Variants in SYTL3 observed in about 807,000 individuals in gnomAD.
The protein encoded by SYTL3 is synaptotagmin-like protein 3.
In SYTL3, 88 loss-of-function variants were observed where a neutral mutation model predicts 82.1. The ratio of observed to expected loss-of-function variants is 1.07; its 90% CI spans 0.90 to 1.28. The LOEUF (loss-of-function observed/expected upper bound fraction) is 1.28, where lower values mean the gene tolerates loss of function less well. Ranked by LOEUF, SYTL3 falls within the 50% of genes most tolerant of loss-of-function variation. The pLI, the probability that SYTL3 is intolerant of heterozygous loss-of-function variation, is 0.00. For synonymous variants in SYTL3, 311 were observed against 289.4 expected (o/e 1.07, Z -0.76); for missense variants, 831 against 757.6 (o/e 1.10, Z -1.14).
chr6:158,645,265 T>TA (rs374822966), upstream of SYTL3, among the ~76,000 whole-genome samples: 11 of 150,700 alleles, frequency 7.3e-5, no homozygotes, highest in East Asian at 1.9e-4. Flanking sequence ...TAAGCACCAT[T>TA]AAAAAAAAAC....
chr6:158,682,036 A>G (rs1442293280), intron 5 of SYTL3, among the ~76,000 whole-genome samples: 2 of 152,252 alleles, frequency 1.3e-5, no homozygotes, highest in Non-Finnish European at 1.5e-5. Flanking sequence ...TCCCAGGTTC[A>G]AGCGAAAATT....
At chr6:158,748,257 T>G (rs1787923201) in intron 12 of SYTL3, among the ~76,000 whole-genome samples, 1 of 152,158 alleles carries the variant, frequency 6.6e-6, no homozygotes, top group Non-Finnish European at 1.5e-5. Flanking sequence ...ATTGTTGATT[T>G]AATCAAACTC....
intron 6 of SYTL3, among the ~76,000 whole-genome samples, chr6:158,691,457 C>T (rs1389498290): frequency 6.6e-6 from 1 of 152,030 alleles, no homozygotes; most frequent in African/African-American, 2.4e-5. Flanking sequence ...TTTTAGATCA[C>T]TAATAACTAG....
intron 10 of SYTL3, 114 bp downstream of exon 10, chr6:158,718,325 T>A: frequency 8.3e-7 from 1 of 1,208,994 alleles, no homozygotes; most frequent in South Asian, 2.4e-5. Context: ...AGAAAAACAG[T>A]AAGCCATCAG....
At chr6:158,692,245 G>A (rs781532158) in intron 6 of SYTL3, among the ~76,000 whole-genome samples, 29 of 90,914 alleles carry the variant, frequency 3.2e-4, no homozygotes, top group Middle Eastern at 0.014. Flanking sequence ...GCGACAGAGC[G>A]AGACTCCGTC....
At chr6:158,658,104 G>T (rs1276867438) in intron 2 of SYTL3, among the ~76,000 whole-genome samples, 3 of 152,138 alleles carry the variant, frequency 2.0e-5, no homozygotes, top group Non-Finnish European at 4.4e-5. Context: ...GTGTTAGCCA[G>T]GATGGTCTCA....
chr6:158,686,328 T>G (rs1779288967), intron 6 of SYTL3, among the ~76,000 whole-genome samples: 1 of 152,198 alleles, frequency 6.6e-6, no homozygotes, highest in East Asian at 1.9e-4. Flanking sequence ...TTTCTATCAA[T>G]GTATAAAATA....
rs763990639 is a variant in SYTL3 at position 158,693,844 on chromosome 6, C to CTTTTACTTTTTTTTTTTTTTTTT, written c.394+10859_394+10860insACTTTTTTTTTTTTTTTTTTTTT. On this transcript the variant is annotated intron_variant, in intron 6 of 17. Coordinates refer to ENST00000611299, the MANE Select transcript of SYTL3 (RefSeq NM_001242394.2). The stretch of plus-strand genomic sequence containing the variant: ...AGGTGTGCCACTGCATCCAGCCTTT[C>CTTTTACTTTTTTTTTTTTTTTTT]TTTTTCTTTTCTTTTTTTTTTTTTT... 1.6e-3 allele frequency among the ~76,000 whole-genome samples: 91 copies of CTTTTACTTTTTTTTTTTTTTTTT among 55,578 alleles called. 8 individuals are homozygous for CTTTTACTTTTTTTTTTTTTTTTT. Among genetic ancestry groups the CTTTTACTTTTTTTTTTTTTTTTT allele is most frequent in the Non-Finnish European group, 2.1e-3 (62 of 29,504 alleles). 36.5% of individuals were successfully genotyped at this position (55,578 alleles called of 152,430 possible). A position where few individuals can be genotyped will look rare whatever the true frequency, so the allele number is the denominator to read the frequency against.
At chr6:158,672,361 C>T (rs1344030971) in intron 5 of SYTL3, among the ~76,000 whole-genome samples, 2 of 152,176 alleles carry the variant, frequency 1.3e-5, no homozygotes, top group African/African-American at 4.8e-5. Context: ...TTGAGAGTTG[C>T]TTTCCGTGGT....
rs1445313576 is a variant in SYTL3, at chr6:158,708,359, A to T, written c.484A>T (p.Ser162Cys). The T allele has an allele frequency of 6.2e-7, 1 of 1,614,058 alleles. No individual in the cohort carries two copies. Among genetic ancestry groups the T allele is most frequent in the Non-Finnish European group, 8.5e-7 (1 of 1,180,026 alleles). Residue 162 changes from serine (S) to cysteine (C), a missense_variant, in exon 8 of 18, where the codon AGC (serine) becomes TGC (cysteine). Transcript: ENST00000611299. ...SVVPPTPPPV[S>C]ESQCSRSPGR... Reference sequence around the variant, plus strand: ...GGTTCCTCCTACTCCACCTCCTGTCAGCGAGAGCCAGTGCAGCCGCAGTCC... The same window carrying T: ...GGTTCCTCCTACTCCACCTCCTGTCTGCGAGAGCCAGTGCAGCCGCAGTCC...
Position 158,665,600 on chromosome 6 carries a change from T to A in SYTL3, c.316T>A (p.Cys106Ser). ...RGTHAWKCTV[C>S]FEDRNVKIKT... Reference sequence around the variant, plus strand: ...GACCCATGCCTGGAAGTGCACGGTGTGCTTCGAGGACAGGTAAGCATGGCC... The same window carrying A: ...GACCCATGCCTGGAAGTGCACGGTGAGCTTCGAGGACAGGTAAGCATGGCC... Residue 106 changes from cysteine (C) to serine (S), a missense_variant, in exon 5 of 18, where the codon TGC (cysteine) becomes AGC (serine). Cys to Ser is a moderately radical substitution (Grantham distance 112). Transcript: ENST00000611299. 1 of 1,563,794 alleles carries A rather than the reference T, an allele frequency of 6.4e-7. No individual in the cohort carries two copies. Among genetic ancestry groups the A allele is most frequent in the East Asian group, 2.3e-5 (1 of 43,154 alleles).
rs746887456 is a variant in SYTL3, at chr6:158,764,490, TAC to T, written c.1724-3_1724-2del. ...CCATGGCTAAATTGTCTTCCTCTCTTACAGAGGGAGACACAGCTGTTGGCGGG... is the reference window on the plus strand; with the variant it reads ...CCATGGCTAAATTGTCTTCCTCTCTTAGAGGGAGACACAGCTGTTGGCGGG... On this transcript the variant is annotated splice_region_variant and splice_polypyrimidine_tract_variant and intron_variant, in intron 17 of 17. Coordinates refer to ENST00000611299, the MANE Select transcript of SYTL3 (RefSeq NM_001242394.2). 4.5e-5 allele frequency: 73 copies of T among 1,607,676 alleles called. 1 individual carries two copies. The South Asian group carries it at 7.1e-4, about 16-fold the overall frequency.
intron 11 of SYTL3, among the ~76,000 whole-genome samples, chr6:158,739,503 G>A (rs903075196): frequency 8.5e-5 from 13 of 152,148 alleles, no homozygotes; most frequent in South Asian, 4.1e-4. Context: ...GCTTCTGCCC[G>A]ATTTTTCTCT....
chr6:158,665,289 C>T (rs1391143558), intron 4 of SYTL3, 106 bp from the exon 5 acceptor site: 3 of 1,059,268 alleles, frequency 2.8e-6, no homozygotes, highest in African/African-American at 1.6e-5. Context: ...TGTCGAATGC[C>T]AAAGCCCCTT....
Position 158,718,206 on chromosome 6 carries a change from A to G in SYTL3, c.715A>G (p.Thr239Ala). ...GTCTGACACTGCGGTCAACGTCACCACCAGGGTACCCTGAGCCCCACAAGG... is the reference window on the plus strand; with the variant it reads ...GTCTGACACTGCGGTCAACGTCACCGCCAGGGTACCCTGAGCCCCACAAGG... ...SQSDTAVNVT[T>A]RKVSAPDILK... The change falls in exon 10 of 18, where the codon ACC becomes GCC. Residue 239 changes from threonine (T) to alanine (A), a missense_variant. Thr to Ala is a moderately conservative substitution (Grantham distance 58). Transcript: ENST00000611299. The G allele has an allele frequency of 6.5e-7, 1 of 1,532,580 alleles. No individual in the cohort carries two copies. The highest frequency in any genetic ancestry group is 8.8e-7 in the Non-Finnish European group (1 of 1,137,338). The allele number at this position is 1,532,580 out of a possible 1,614,324, so 94.9% of individuals were successfully genotyped here. A position where few individuals can be genotyped will look rare whatever the true frequency, so the allele number is the denominator to read the frequency against.
chr6:158,695,217 A>G (rs1002124423), intron 6 of SYTL3, among the ~76,000 whole-genome samples: 3 of 152,222 alleles, frequency 2.0e-5, no homozygotes, highest in African/African-American at 7.2e-5. Flanking sequence ...ATTTACAGAA[A>G]AAGTTTGCTG....
At chr6:158,757,935 G>A (rs756708294) in intron 14 of SYTL3, among the ~76,000 whole-genome samples, 11 of 152,170 alleles carry the variant, frequency 7.2e-5, no homozygotes, top group Non-Finnish European at 1.3e-4. Context: ...TAGATAGCAC[G>A]TGGGCTGGGG....
chr6:158,659,802 G>A (rs919804772), intron 2 of SYTL3, among the ~76,000 whole-genome samples: 4 of 152,332 alleles, frequency 2.6e-5, no homozygotes, highest in South Asian at 4.1e-4. Context: ...TAAGGTTGAA[G>A]TGGTCACTGT....
At chr6:158,687,168 C>G (rs1583234348) in intron 6 of SYTL3, among the ~76,000 whole-genome samples, 2 of 152,166 alleles carry the variant, frequency 1.3e-5, no homozygotes, top group South Asian at 4.1e-4. Context: ...TGACATAAAT[C>G]AAGTAACATT....
Sources: gnomAD v4.1 joint callset for allele counts (sites outside exome capture counted in the v4.1 genomes callset) on GRCh38, gnomAD v4.1.1 for gene constraint, MANE v1.5 for transcripts, NCBI Gene and HGNC (gene_info 2026-07-23, HGNC 2026-07-21) for gene names.